The following CUL5 variants were observed in gnomAD, a reference collection of about 807,000 sequenced individuals.
The protein encoded by CUL5 is cullin-5.
A neutral mutation model predicts 108.8 loss-of-function variants in CUL5; 26 were observed. The ratio of observed to expected loss-of-function variants is 0.24; its 90% CI spans 0.18 to 0.33. CUL5 has a LOEUF of 0.33. Ranked by LOEUF, CUL5 falls within the 10% of genes least tolerant of loss-of-function variation. CUL5 has a pLI of 1.00. For missense variants in CUL5, 524 were observed against 909.2 expected, an observed-to-expected ratio of 0.58 and a Z score of 5.45; for synonymous variants, 334 against 298.0, an observed-to-expected ratio of 1.12 and a Z score of -1.25.
At chr11:108,038,345 G>A (rs1310092100) in intron 2 of CUL5, among the ~76,000 whole-genome samples, 12 of 152,164 alleles carry the variant, frequency 7.9e-5, no homozygotes, top group East Asian at 3.9e-4. Context: ...AGTAGAAATC[G>A]TCAATAACCT....
intron 18 of CUL5, among the ~76,000 whole-genome samples, chr11:108,103,426 C>G (rs1391306481): frequency 6.7e-6 from 1 of 149,836 alleles, no homozygotes; most frequent in Non-Finnish European, 1.5e-5. Context: ...AAAAAAAAAA[C>G]CTTAAAAACA....
At chr11:108,025,969 C>G (rs1862443481) in intron 1 of CUL5, among the ~76,000 whole-genome samples, 1 of 152,134 alleles carries the variant, frequency 6.6e-6, no homozygotes, top group African/African-American at 2.4e-5. Flanking sequence ...GAAGCGCTGT[C>G]CTGCACTGCT....
chr11:108,089,114 G>T (rs1391710718), intron 12 of CUL5, among the ~76,000 whole-genome samples: 1 of 152,014 alleles, frequency 6.6e-6, no homozygotes, highest in Non-Finnish European at 1.5e-5. Context: ...AAAAAAATAA[G>T]ATATTGGGCA....
chr11:108,070,878 T>C (rs1387826102), intron 8 of CUL5, among the ~76,000 whole-genome samples: 3 of 152,212 alleles, frequency 2.0e-5, no homozygotes, highest in Admixed American at 2.0e-4. Context: ...TCATACACTT[T>C]TTAGGAGTAA....
At chr11:108,031,108 C>G (rs1165191934) in intron 1 of CUL5, among the ~76,000 whole-genome samples, 1 of 152,060 alleles carries the variant, frequency 6.6e-6, no homozygotes, top group African/African-American at 2.4e-5. Context: ...TGGCTCATGC[C>G]TGTAATTCTA....
At chr11:108,011,170 C>A (rs1862048612) in intron 1 of CUL5, among the ~76,000 whole-genome samples, 1 of 152,084 alleles carries the variant, frequency 6.6e-6, no homozygotes, top group Admixed American at 6.5e-5. Context: ...AGGTCTTTTT[C>A]TCCCGAAAAA....
intron 2 of CUL5, among the ~76,000 whole-genome samples, chr11:108,041,546 G>A (rs1862913602): frequency 6.6e-6 from 1 of 151,478 alleles, no homozygotes; most frequent in Non-Finnish European, 1.5e-5. Flanking sequence ...CAAAATGCTG[G>A]GATTACAGGT....
intron 1 of CUL5, among the ~76,000 whole-genome samples, chr11:108,025,856 G>A (rs751541133): frequency 6.6e-6 from 1 of 152,086 alleles, no homozygotes; most frequent in South Asian, 2.1e-4. Context: ...AACCCCTAGC[G>A]GCTGTTTGGG....
At chr11:108,087,995 A>G (rs1864263624) in intron 11 of CUL5, among the ~76,000 whole-genome samples, 1 of 152,098 alleles carries the variant, frequency 6.6e-6, no homozygotes, top group African/African-American at 2.4e-5. Context: ...TTGTATCAGG[A>G]AAGTGAAATG....
intron 7 of CUL5, among the ~76,000 whole-genome samples, chr11:108,064,615 CAGG>C (rs1432060262): frequency 6.6e-6 from 1 of 152,108 alleles, no homozygotes; most frequent in African/African-American, 2.4e-5. Context: ...GAGGCTAAGG[CAGG>C]AGAGTTGCTT....
chr11:108,081,217 G>A (rs2135207060), intron 11 of CUL5, among the ~76,000 whole-genome samples: 1 of 152,026 alleles, frequency 6.6e-6, no homozygotes, highest in East Asian at 1.9e-4. Context: ...GAATCTGGGA[G>A]GTGGAGGTCG....
rs566255786 is a variant in CUL5, at chr11:108,019,016, T to C, written c.24+9644T>C. 7.2e-5 allele frequency among the ~76,000 whole-genome samples: 11 copies of C among 152,320 alleles called. No homozygotes were observed. In the South Asian group the frequency reaches 8.3e-4, roughly 11 times the overall value. ...TGTATTGAATATGTACAGACCTTTT[T>C]TTCTTATAATTCCCTAAACAGTACA... On this transcript the variant is annotated intron_variant, in intron 1 of 18. Transcript: ENST00000393094.
At chr11:108,019,407 A>G (rs1320993768) in intron 1 of CUL5, among the ~76,000 whole-genome samples, 2 of 152,174 alleles carry the variant, frequency 1.3e-5, no homozygotes, top group Non-Finnish European at 2.9e-5. Context: ...ATTATCTAAA[A>G]TACGACAACT....
intron 7 of CUL5, among the ~76,000 whole-genome samples, chr11:108,062,672 A>G (rs973535938): frequency 6.6e-6 from 1 of 151,918 alleles, no homozygotes; most frequent in Non-Finnish European, 1.5e-5. Context: ...AACGCATGAT[A>G]ATCACATCAG....
intron 2 of CUL5, among the ~76,000 whole-genome samples, chr11:108,042,377 C>G (rs762315842): frequency 5.3e-4 from 81 of 151,884 alleles, no homozygotes; most frequent in Non-Finnish European, 1.1e-3. Context: ...CCTCACCACA[C>G]CAGGCTAATT....
intron 2 of CUL5, among the ~76,000 whole-genome samples, chr11:108,042,437 G>T (rs1565242504): frequency 6.6e-6 from 1 of 151,836 alleles, no homozygotes; most frequent in Non-Finnish European, 1.5e-5. Flanking sequence ...GTCTAGGCTG[G>T]TCCTGAACAC....
chr11:108,064,456 C>T (rs1863624217), intron 7 of CUL5, among the ~76,000 whole-genome samples: 1 of 152,030 alleles, frequency 6.6e-6, no homozygotes, highest in African/African-American at 2.4e-5. Flanking sequence ...GCCTGTAATC[C>T]CAGCACATTA....
At position 108,009,104 on chromosome 11, in the gene CUL5, C is replaced by T. The variant is rs1861990422; in HGVS notation, c.-245C>T. The stretch of plus-strand genomic sequence containing the variant: ...TCTCAGCATTCGCCGTTCCGGTCTT[C>T]CTGAGCGCGTGCATGAGGTCTTTCG... On this transcript the variant is annotated 5_prime_UTR_variant, in exon 1 of 19. Coordinates refer to ENST00000393094, the MANE Select transcript of CUL5 (RefSeq NM_003478.6). 4 of 567,902 alleles carry T rather than the reference C, an allele frequency of 7.0e-6. No homozygotes were observed. Among genetic ancestry groups the T allele is most frequent in the Non-Finnish European group, 1.3e-5 (4 of 316,456 alleles). The allele number at this position is 567,902 out of a possible 1,614,324, so 35.2% of individuals were successfully genotyped here. A position where few individuals can be genotyped will look rare whatever the true frequency, so the allele number is the denominator to read the frequency against.
rs530213328 is a variant in CUL5 at position 108,081,935 on chromosome 11, G to T, written c.1178+3695G>T. Reference sequence around the variant, plus strand: ...TTGGTTCTTTTTCAAGATCATTCTGGCTATTTGGGTTCCCTTCTAATTCCA... The same window carrying T: ...TTGGTTCTTTTTCAAGATCATTCTGTCTATTTGGGTTCCCTTCTAATTCCA... On this transcript the variant is annotated intron_variant, in intron 11 of 18. Transcript: ENST00000393094. Among the ~76,000 whole-genome samples, 3 of 152,268 alleles carry T rather than the reference G, an allele frequency of 2.0e-5. No homozygotes were observed. In the East Asian group the frequency reaches 5.8e-4, roughly 29 times the overall value.
Sources: allele counts gnomAD v4.1 joint callset (sites outside exome capture counted in the v4.1 genomes callset), GRCh38; gene constraint gnomAD v4.1.1; transcripts MANE v1.5; gene names NCBI Gene and HGNC (gene_info 2026-07-23, HGNC 2026-07-21).